FRMPD4: variants seen among roughly 807,000 people sequenced by gnomAD.
FRMPD4 encodes the protein FERM and PDZ domain-containing protein 4.
In FRMPD4, 22 loss-of-function variants were observed where a neutral mutation model predicts 94.1. The ratio of observed to expected loss-of-function variants is 0.23; its 90% CI spans 0.17 to 0.33. FRMPD4 has a LOEUF of 0.33. Ranked by LOEUF, FRMPD4 falls within the 10% of genes least tolerant of loss-of-function variation. FRMPD4 has a pLI of 1.00. For synonymous variants in FRMPD4, 631 were observed against 548.6 expected (o/e 1.15, Z -2.10); for missense variants, 1,111 against 1,339.9 (o/e 0.83, Z 2.67).
chrX:11,875,980 A>G (rs1329149110), intron 2 of FRMPD4, among the ~76,000 whole-genome samples: 1 of 98,617 alleles, frequency 1.0e-5, no homozygotes, highest in African/African-American at 3.8e-5. Flanking sequence ...GGTTCGCGCC[A>G]TTCTCCTGCC....
At chrX:12,406,538 G>T (rs769735262) in intron 1 of FRMPD4, among the ~76,000 whole-genome samples, 1 of 112,127 alleles carries the variant, frequency 8.9e-6, no homozygotes, top group Non-Finnish European at 1.9e-5. Context: ...ACCACTCTGG[G>T]TAGGTTAGTA....
chrX:12,718,011 G>A lies in FRMPD4; in HGVS notation c.3185G>A (p.Ser1062Asn). 8.2e-7 allele frequency: 1 copy of A among 1,212,203 alleles called. No homozygotes were observed. Among genetic ancestry groups the A allele is most frequent in the East Asian group, 3.0e-5 (1 of 33,865 alleles). Residue 1062 changes from serine to asparagine, a missense_variant, in exon 16 of 17, where the codon AGT becomes AAT. Coordinates refer to ENST00000675598, the MANE Select transcript of FRMPD4 (RefSeq NM_001368397.1). The stretch of plus-strand genomic sequence containing the variant: ...ACGGCAGAGATGGAGGAGGAGGCCA[G>A]TGGTAAATTTGGTACTGTGTCTTCA... ...TKTAEMEEEA[S>N]GKFGTVSSRD...
intron 1 of FRMPD4, among the ~76,000 whole-genome samples, chrX:12,287,822 G>C (rs2054623954): frequency 8.9e-6 from 1 of 112,307 alleles, no homozygotes; most frequent in African/African-American, 3.2e-5. Flanking sequence ...ATTTAGGATA[G>C]TTTGAACACT....
chrX:12,262,412 C>T (rs2054203356), intron 1 of FRMPD4, among the ~76,000 whole-genome samples: 1 of 111,432 alleles, frequency 9.0e-6, no homozygotes, highest in Non-Finnish European at 1.9e-5. Flanking sequence ...GTATCTGGCC[C>T]TATACAGATA....
intron 4 of FRMPD4, among the ~76,000 whole-genome samples, chrX:12,661,657 A>G (rs1718278160): frequency 8.9e-6 from 1 of 112,175 alleles, no homozygotes; most frequent in African/African-American, 3.2e-5. Flanking sequence ...TAAATGCTTC[A>G]TATAGTCCAT....
At chrX:12,693,805 C>T (rs1379915830) in intron 8 of FRMPD4, among the ~76,000 whole-genome samples, 1 of 112,110 alleles carries the variant, frequency 8.9e-6, no homozygotes, top group Non-Finnish European at 1.9e-5. Flanking sequence ...GGGGTGCTAT[C>T]ACTAACAGCC....
chrX:12,240,325 T>C (rs2057114786), intron 1 of FRMPD4, among the ~76,000 whole-genome samples: 1 of 112,221 alleles, frequency 8.9e-6, no homozygotes, highest in African/African-American at 3.2e-5. Context: ...AGGCTAATAA[T>C]ATGTGGCTCT....
chrX:12,352,463 AG>A (rs1451930901), intron 1 of FRMPD4, among the ~76,000 whole-genome samples: 2 of 112,381 alleles, frequency 1.8e-5, no homozygotes, highest in African/African-American at 6.5e-5. Flanking sequence ...TTAACGTTAA[AG>A]AATGCTTTTA....
intron 1 of FRMPD4, among the ~76,000 whole-genome samples, chrX:12,475,626 A>T (rs944709806): frequency 8.9e-6 from 1 of 112,203 alleles, no homozygotes; most frequent in African/African-American, 3.2e-5. Context: ...CTCACGATAC[A>T]AAATCATTGT....
chrX:12,488,981 T>C (rs1210086859), intron 1 of FRMPD4, among the ~76,000 whole-genome samples: 1 of 112,129 alleles, frequency 8.9e-6, no homozygotes, highest in Non-Finnish European at 1.9e-5. Flanking sequence ...AGTTTCCACA[T>C]TGTCTATGGC....
chrX:12,278,286 T>C (rs2054472718), intron 1 of FRMPD4, among the ~76,000 whole-genome samples: 1 of 112,066 alleles, frequency 8.9e-6, no homozygotes, highest in Non-Finnish European at 1.9e-5. Context: ...ATGATTTTTT[T>C]CCCCCAGACC....
chrX:12,135,715 A>G (rs2147556771), upstream of FRMPD4, among the ~76,000 whole-genome samples: 1 of 110,773 alleles, frequency 9.0e-6, no homozygotes, highest in South Asian at 3.9e-4. Flanking sequence ...CTCTAGAAGT[A>G]AACACAATGT....
chrX:12,684,528 T>C (rs1265283386), intron 6 of FRMPD4, among the ~76,000 whole-genome samples: 1 of 111,605 alleles, frequency 9.0e-6, no homozygotes, highest in African/African-American at 3.3e-5. Context: ...GCTATTGTGA[T>C]GCTTGTGGGG....
Position 12,343,803 on chromosome X carries a change from G to A in FRMPD4, c.42-154877G>A, listed in dbSNP as rs146439824. On this transcript the variant is annotated intron_variant, in intron 1 of 16. Transcript: ENST00000675598. ...ATTTGCCGTTGCTTTGGAGAAAATCGCTACAGCAGCATGACCTCAACAGCA... is the reference window on the plus strand; with the variant it reads ...ATTTGCCGTTGCTTTGGAGAAAATCACTACAGCAGCATGACCTCAACAGCA... Among the ~76,000 whole-genome samples, 695 of 111,640 alleles carry A rather than the reference G, an allele frequency of 6.2e-3. 6 individuals are homozygous for A. The highest frequency in any genetic ancestry group is 0.022 in the African/African-American group (667 of 30,683).
At chrX:12,684,742 C>T (rs2060004125) in intron 6 of FRMPD4, among the ~76,000 whole-genome samples, 2 of 112,377 alleles carry the variant, frequency 1.8e-5, no homozygotes, top group African/African-American at 6.5e-5. Context: ...AGCTTTCGAG[C>T]GTGTAATTGG....
intron 1 of FRMPD4, among the ~76,000 whole-genome samples, chrX:12,184,456 A>T (rs770576089): frequency 1.8e-5 from 2 of 111,954 alleles, no homozygotes; most frequent in Non-Finnish European, 3.8e-5. Flanking sequence ...GCCTTAAGAC[A>T]AATTGCAATC....
intron 2 of FRMPD4, among the ~76,000 whole-genome samples, chrX:12,561,316 G>A (rs2058657991): frequency 8.9e-6 from 1 of 112,268 alleles, no homozygotes; most frequent in African/African-American, 3.2e-5. Flanking sequence ...CCTTGGATGT[G>A]TATTCCTTAG....
intron 3 of FRMPD4, among the ~76,000 whole-genome samples, chrX:12,087,880 C>T (rs2055124081): frequency 8.9e-6 from 1 of 112,305 alleles, no homozygotes; most frequent in South Asian, 3.7e-4. Flanking sequence ...CATGTCTTCT[C>T]CTATTAGATT....
At position 12,253,760 on chromosome X, in the gene FRMPD4, A is replaced by G. The variant is rs757965124; in HGVS notation, c.41+114748A>G. On this transcript the variant is annotated intron_variant, in intron 1 of 16. Coordinates refer to ENST00000675598, the MANE Select transcript of FRMPD4 (RefSeq NM_001368397.1). ...AAGGAGGAACTCCACACCAATAATT[A>G]TATATCCAGAAAAATAATTTCAAAG... 2.7e-5 allele frequency among the ~76,000 whole-genome samples: 3 copies of G among 111,934 alleles called. No individual in the cohort carries two copies. In the South Asian group the frequency reaches 1.1e-3, roughly 41 times the overall value.
Sources: allele counts gnomAD v4.1 joint callset (sites outside exome capture counted in the v4.1 genomes callset), GRCh38; gene constraint gnomAD v4.1.1; transcripts MANE v1.5; gene names NCBI Gene and HGNC (gene_info 2026-07-23, HGNC 2026-07-21).